BCAN: variants seen among roughly 807,000 people sequenced by gnomAD.
The protein encoded by BCAN is brevican core protein.
BCAN carries 51 observed loss-of-function variants against 92.4 expected under a neutral mutation model. The observed-to-expected ratio is 0.55, with a 90% CI of 0.44 to 0.70. The LOEUF (loss-of-function observed/expected upper bound fraction) is 0.70, where lower values mean the gene tolerates loss of function less well. Among genes scored for constraint, BCAN ranks in the 30% least tolerant of loss-of-function variants. BCAN has a pLI of 0.00. For missense variants in BCAN, 1,140 were observed against 1,212.1 expected (o/e 0.94, Z 0.88); for synonymous variants, 501 against 505.2 (o/e 0.99, Z 0.11).
At chr1:156,654,011 C>A (rs993350573) in intron 8 of BCAN, among the ~76,000 whole-genome samples, 6 of 152,116 alleles carry the variant, frequency 3.9e-5, no homozygotes, top group Non-Finnish European at 8.8e-5. Context: ...TAACTCTCAT[C>A]CCACTACCTA....
intron 1 of BCAN, among the ~76,000 whole-genome samples, chr1:156,645,049 C>T (rs1368535289): frequency 3.3e-5 from 5 of 152,242 alleles, no homozygotes; most frequent in African/African-American, 4.8e-5. Context: ...GTCTCCATTT[C>T]TCAATGTCAC....
At position 156,647,466 on chromosome 1, in the gene BCAN, G is replaced by A. The variant is rs568054784; in HGVS notation, c.467-42G>A. 17 of 1,508,980 alleles carry A rather than the reference G, an allele frequency of 1.1e-5. 1 individual carries two copies. The highest frequency in any genetic ancestry group is 1.1e-4 in the South Asian group (8 of 75,672). The allele number at this position is 1,508,980 out of a possible 1,614,324, so 93.5% of individuals were successfully genotyped here. ...AAGGAGGGTGAGGGGAGGCCAGCGT[G>A]CTGGGTGCTCACCTGGCTCAGGGGT... On this transcript the variant is annotated intron_variant, in intron 3 of 13. Coordinates refer to ENST00000329117, the MANE Select transcript of BCAN (RefSeq NM_021948.5). This position sits in a 1 kb window ranked among gnomAD's most constrained non-coding sequence, Gnocchi z 4.8.
Position 156,646,961 on chromosome 1 carries a change from G to A in BCAN, c.252G>A (p.Arg84=), listed in dbSNP as rs1184345359. ...SPRVKWTFLS[R]GREAEVLVAR... is the part of the protein sequence containing the mutation. ...GGGTCAAGTGGACTTTCCTGTCCCGGGGCCGGGAGGCAGAGGTGCTGGTGG... is the reference window on the plus strand; with the variant it reads ...GGGTCAAGTGGACTTTCCTGTCCCGAGGCCGGGAGGCAGAGGTGCTGGTGG... The change falls in exon 3 of 14, where the codon CGG becomes CGA. Residue 84 remains arginine (R), a synonymous_variant. Coordinates refer to ENST00000329117, the MANE Select transcript of BCAN (RefSeq NM_021948.5). The A allele has an allele frequency of 6.2e-7, 1 of 1,612,894 alleles. No individual in the cohort carries two copies. Among genetic ancestry groups the A allele is most frequent in the Admixed American group, 1.7e-5 (1 of 59,978 alleles).
chr1:156,658,563 G>A lies in BCAN; in HGVS notation c.2458G>A (p.Glu820Lys), dbSNP rs759944778. The change falls in exon 13 of 14, where the codon GAG becomes AAG. Residue 820 changes from glutamate (E) to lysine (K), a missense_variant. This residue lies in a region of BCAN where 825 missense variants were observed against 871.8 expected (regional missense o/e 0.95). Coordinates refer to ENST00000329117, the MANE Select transcript of BCAN (RefSeq NM_021948.5). This position sits in a 1 kb window ranked among gnomAD's most constrained non-coding sequence, Gnocchi z 4.4. Reference protein sequence around the residue: ...MGLVSCGPPPELPLAQVFGRP... With the variant: ...MGLVSCGPPPKLPLAQVFGRP... ...TGCAGTGTCCTGTGGGCCGCCACCG[G>A]AGCTGCCCCTGGCTCAAGTGTTCGG... is the stretch of plus-strand genomic sequence containing the variant. 1 of 1,613,912 alleles carries A rather than the reference G, an allele frequency of 6.2e-7. No individual in the cohort carries two copies. Among genetic ancestry groups the A allele is most frequent in the South Asian group, 1.1e-5 (1 of 91,052 alleles).
Position 156,659,380 on chromosome 1 carries a change from A to G in BCAN, c.*246A>G. ...CCGGAGTAAATCCCTAAGTGCCTCAACTGCCCTCTCCCTGGCAGCCATCTT... is the reference window on the plus strand; with the variant it reads ...CCGGAGTAAATCCCTAAGTGCCTCAGCTGCCCTCTCCCTGGCAGCCATCTT... On this transcript the variant is annotated 3_prime_UTR_variant, in exon 14 of 14. Transcript: ENST00000329117. 5.9e-6 allele frequency: 3 copies of G among 510,714 alleles called. No individual in the cohort carries two copies. The East Asian group carries it at 1.0e-4, about 18-fold the overall frequency. The allele number at this position is 510,714 out of a possible 1,614,324, so 31.6% of individuals were successfully genotyped here.
intron 8 of BCAN, 83 bp from the exon 9 acceptor site, chr1:156,656,199 C>A: frequency 2.1e-6 from 2 of 930,402 alleles, no homozygotes; most frequent in Non-Finnish European, 3.1e-6. Context: ...GGCTGGGGGA[C>A]CCTCTGCACC....
At position 156,648,759 on chromosome 1, in the gene BCAN, C is replaced by A. The variant is rs763538269; in HGVS notation, c.961C>A (p.Arg321Ser). 6.2e-7 allele frequency: 1 copy of A among 1,611,690 alleles called. No homozygotes were observed. The highest frequency in any genetic ancestry group is 8.5e-7 in the Non-Finnish European group (1 of 1,178,038). Residue 321 changes from arginine (R) to serine (S), a missense_variant, in exon 6 of 14, where the codon CGC becomes AGC. This residue lies in a region of BCAN where 825 missense variants were observed against 871.8 expected (regional missense o/e 0.95). Coordinates refer to ENST00000329117, the MANE Select transcript of BCAN (RefSeq NM_021948.5). ...VRYPIVTPSQRCGGGLPGVKT... is the reference protein window; with the variant it reads ...VRYPIVTPSQSCGGGLPGVKT... ...CTACCCCATCGTCACACCCAGCCAG[C>A]GCTGTGGTGGGGGCTTGCCTGGTGT...
In BCAN at chr1:156,647,844, G is replaced by A. The variant is rs556566691; in HGVS notation, c.642-139G>A. 8.5e-6 allele frequency: 13 copies of A among 1,534,190 alleles called. 1 individual carries two copies. The Admixed American group carries it at 1.2e-4, about 14-fold the overall frequency. ...GGGGAGGTGAGGACCCTGAGCATGTGCATCCCTGCAGTGCTAGAAGGACAG... is the reference window on the plus strand; with the variant it reads ...GGGGAGGTGAGGACCCTGAGCATGTACATCCCTGCAGTGCTAGAAGGACAG... On this transcript the variant is annotated intron_variant, in intron 4 of 13. Transcript: ENST00000329117. The surrounding 1 kb of genome is among the most constrained non-coding windows in gnomAD (Gnocchi z 4.8).
intron 9 of BCAN, 21 bp downstream of exon 9, chr1:156,656,410 G>A (rs1314356513): frequency 7.5e-7 from 1 of 1,339,666 alleles, no homozygotes; most frequent in Non-Finnish European, 9.7e-7. Context: ...AGGGACGGGG[G>A]GCAGGTTTGA....
intron 8 of BCAN, among the ~76,000 whole-genome samples, chr1:156,654,797 A>C (rs1194934673): frequency 6.6e-6 from 1 of 152,146 alleles, no homozygotes; most frequent in Non-Finnish European, 1.5e-5. Context: ...TAATGGGTTA[A>C]ATGAAATACC....
At position 156,656,390 on chromosome 1, in the gene BCAN, G is replaced by A; in HGVS notation, c.2050+1G>A. 7.3e-7 allele frequency: 1 copy of A among 1,362,506 alleles called. No homozygotes were observed. Among genetic ancestry groups the A allele is most frequent in the Non-Finnish European group, 9.5e-7 (1 of 1,051,574 alleles). The allele number at this position is 1,362,506 out of a possible 1,614,324, so 84.4% of individuals were successfully genotyped here. The stretch of plus-strand genomic sequence containing the variant: ...TATGGGGGGGACCTGTGCGATGTTG[G>A]TGAGTGTTGAGGGACGGGGGGCAGG... On this transcript the variant is annotated splice_donor_variant, in intron 9 of 13. Transcript: ENST00000329117. LOFTEE classifies it high-confidence loss of function.
intron 7 of BCAN, 144 bp from the exon 8 acceptor site, chr1:156,652,104 C>T: frequency 9.0e-7 from 1 of 1,115,610 alleles, no homozygotes; most frequent in Non-Finnish European, 1.3e-6. Flanking sequence ...CAGTGTGGCG[C>T]AAGGACCACC....
At chr1:156,653,232 C>T (rs539616543) in intron 8 of BCAN, 1 of 1,254,920 alleles carries the variant, frequency 8.0e-7, no homozygotes, top group Non-Finnish European at 1.0e-6. Context: ...CCTATTGCAG[C>T]CTTCAGGGCT....
chr1:156,656,414 G>A (rs1358186469), intron 9 of BCAN, 25 bp downstream of exon 9: 2 of 1,338,438 alleles, frequency 1.5e-6, no homozygotes, highest in Non-Finnish European at 1.9e-6. Context: ...ACGGGGGGCA[G>A]GTTTGAAGCC....
rs200282065 is a variant in BCAN, at chr1:156,658,623, C to T, written c.2518C>T (p.Leu840Phe). 386 of 1,614,028 alleles carry T rather than the reference C, an allele frequency of 2.4e-4. No homozygotes were observed. Among genetic ancestry groups the T allele is most frequent in the Non-Finnish European group, 3.1e-4 (369 of 1,180,062 alleles). Reference sequence around the variant, plus strand: ...GCTGCGCTATGAGGTGGACACTGTGCTTCGCTACCGGTGCCGGGAAGGACT... The same window carrying T: ...GCTGCGCTATGAGGTGGACACTGTGTTTCGCTACCGGTGCCGGGAAGGACT... ...PRLRYEVDTV[L>F]RYRCREGLAQ... The change falls in exon 13 of 14, where the codon CTT (leucine) becomes TTT (phenylalanine). Residue 840 changes from leucine to phenylalanine, a missense_variant. By Grantham distance (22) the Leu-to-Phe change is conservative. Transcript: ENST00000329117. The surrounding 1 kb of genome is among the most constrained non-coding windows in gnomAD (Gnocchi z 4.4).
chr1:156,648,937 C>T, intron 6 of BCAN, 76 bp downstream of exon 6: 1 of 1,464,886 alleles, frequency 6.8e-7, no homozygotes, highest in Non-Finnish European at 9.1e-7. Context: ...CTACCCCAGT[C>T]TGATCAGTTT....
intron 6 of BCAN, chr1:156,649,822 T>C (rs1211439231): frequency 1.9e-6 from 1 of 516,614 alleles, no homozygotes; most frequent in Admixed American, 2.0e-5. Context: ...GGTGTCTCGG[T>C]CCTTCCCCAG....
chr1:156,653,258 T>C, intron 8 of BCAN: 11 of 1,199,210 alleles, frequency 9.2e-6, no homozygotes, highest in Non-Finnish European at 1.1e-5. Context: ...TATTTTCCAC[T>C]ACTCCCTTCA....
At position 156,642,785 on chromosome 1, in the gene BCAN, G is replaced by C. The variant is rs573920883; in HGVS notation, c.-9+510G>C. 6.6e-6 allele frequency: 1 copy of C among 152,252 alleles called. No individual in the cohort carries two copies. Among genetic ancestry groups the C allele is most frequent in the Non-Finnish European group, 1.5e-5 (1 of 68,084 alleles). 9.4% of individuals were successfully genotyped at this position (152,252 alleles called of 1,614,324 possible). ...CCATTTCGGCTGGAATCCCAACTCG[G>C]CTCCTTGCTCTGTGACCTTGGGGTA... On this transcript the variant is annotated intron_variant, in intron 1 of 13. Transcript: ENST00000329117. This position sits in a 1 kb window ranked among gnomAD's most constrained non-coding sequence, Gnocchi z 4.2.
Sources: gnomAD v4.1 joint callset for allele counts (sites outside exome capture counted in the v4.1 genomes callset) on GRCh38, gnomAD v4.1.1 for gene constraint, gnomAD v4.1.1 regional missense constraint, Gnocchi (gnomAD v3.1) non-coding constraint, MANE v1.5 for transcripts, NCBI Gene and HGNC (gene_info 2026-07-23, HGNC 2026-07-21) for gene names.